KIAA1217: variants seen among roughly 807,000 people sequenced by gnomAD.
KIAA1217 encodes the protein sickle tail protein homolog.
KIAA1217 carries 88 observed loss-of-function variants against 163.9 expected under a neutral mutation model. That is an observed-to-expected ratio of 0.54 (90% confidence interval 0.45 to 0.64). The LOEUF (loss-of-function observed/expected upper bound fraction) is 0.64, where lower values mean the gene tolerates loss of function less well. Ranked by LOEUF, KIAA1217 falls within the 30% of genes least tolerant of loss-of-function variation. The pLI, the probability that KIAA1217 is intolerant of heterozygous loss-of-function variation, is 0.00. For synonymous variants in KIAA1217, 903 were observed against 923.1 expected (o/e 0.98, Z 0.39); for missense variants, 2,372 against 2,475.0 (o/e 0.96, Z 0.88).
At chr10:24,251,000 G>A (rs1429819151) in intron 2 of KIAA1217, among the ~76,000 whole-genome samples, 2 of 151,872 alleles carry the variant, frequency 1.3e-5, no homozygotes, top group Non-Finnish European at 2.9e-5. Flanking sequence ...GCTGAGGTGG[G>A]TGGATCACCT....
chr10:24,515,207 A>G (rs2134338402), intron 10 of KIAA1217, among the ~76,000 whole-genome samples: 1 of 151,664 alleles, frequency 6.6e-6, no homozygotes, highest in South Asian at 2.1e-4. Context: ...AGCTGGGATT[A>G]CAGGTGCACA....
In KIAA1217 at chr10:24,220,084, C is replaced by G. The variant is rs542893594; in HGVS notation, c.354+175C>G. ...GGAGGAAGCCGGGTGTAGAAAACTTCTGCCTGCAAGCTCAGTCTTCTTTGC... is the reference window on the plus strand; with the variant it reads ...GGAGGAAGCCGGGTGTAGAAAACTTGTGCCTGCAAGCTCAGTCTTCTTTGC... On this transcript the variant is annotated intron_variant, in intron 2 of 20. Transcript: ENST00000376454. 2.0e-5 allele frequency among the ~76,000 whole-genome samples: 3 copies of G among 152,288 alleles called. No individual in the cohort carries two copies. The East Asian group carries it at 5.8e-4, about 29-fold the overall frequency.
chr10:24,532,515 G>A (rs2073273654), intron 15 of KIAA1217, among the ~76,000 whole-genome samples: 1 of 152,206 alleles, frequency 6.6e-6, no homozygotes, highest in Non-Finnish European at 1.5e-5. Context: ...GAGACTGGGT[G>A]ATAAAGGGAA....
intron 1 of KIAA1217, among the ~76,000 whole-genome samples, chr10:23,716,460 T>A (rs1310516036): frequency 1.3e-5 from 2 of 152,210 alleles, no homozygotes; most frequent in Admixed American, 6.6e-5. Context: ...TCACCAATTA[T>A]TAATTAAGAC....
At chr10:24,073,119 G>A (rs2131633171) in intron 2 of KIAA1217, among the ~76,000 whole-genome samples, 1 of 151,850 alleles carries the variant, frequency 6.6e-6, no homozygotes, top group East Asian at 1.9e-4. Context: ...CATATTAGCA[G>A]CCATTGACAA....
intron 1 of KIAA1217, among the ~76,000 whole-genome samples, chr10:23,728,297 C>G (rs149734984): frequency 6.6e-6 from 1 of 152,150 alleles, no homozygotes; most frequent in Non-Finnish European, 1.5e-5. Flanking sequence ...TGAAAGTGTT[C>G]CTATTTCTCC....
chr10:23,817,812 A>G (rs1352287233), intron 1 of KIAA1217, among the ~76,000 whole-genome samples: 1 of 151,148 alleles, frequency 6.6e-6, no homozygotes, highest in Non-Finnish European at 1.5e-5. Flanking sequence ...ATATAGGGCC[A>G]GATGTGGTGG....
intron 2 of KIAA1217, among the ~76,000 whole-genome samples, chr10:24,015,419 A>G (rs2131500016): frequency 6.6e-6 from 1 of 152,188 alleles, no homozygotes; most frequent in Middle Eastern, 3.4e-3. Flanking sequence ...GAAGAGAAAG[A>G]CTTTATAATG....
At chr10:24,006,824 T>C (rs1018642433) in intron 1 of KIAA1217, among the ~76,000 whole-genome samples, 3 of 152,156 alleles carry the variant, frequency 2.0e-5, no homozygotes, top group African/African-American at 7.2e-5. Context: ...CTGCACATCA[T>C]CCTTAATAAA....
intron 2 of KIAA1217, among the ~76,000 whole-genome samples, chr10:24,047,025 C>A (rs1849081443): frequency 6.6e-6 from 1 of 152,132 alleles, no homozygotes; most frequent in Non-Finnish European, 1.5e-5. Flanking sequence ...GTATTTGTTG[C>A]CCAGGATTAT....
intron 3 of KIAA1217, among the ~76,000 whole-genome samples, chr10:24,419,576 A>G (rs1399504982): frequency 6.6e-6 from 1 of 152,166 alleles, no homozygotes; most frequent in East Asian, 1.9e-4. Flanking sequence ...AAATGAATTA[A>G]TATGTGGAAG....
chr10:24,524,252 CAT>C (rs1489877601), intron 12 of KIAA1217, 69 bp from the exon 13 acceptor site: 1 of 1,499,006 alleles, frequency 6.7e-7, no homozygotes, highest in African/African-American at 1.4e-5. Context: ...TTTGGGATGA[CAT>C]AGCCTGCAAG....
At chr10:24,303,389 A>G (rs1312729475) in intron 2 of KIAA1217, among the ~76,000 whole-genome samples, 1 of 152,162 alleles carries the variant, frequency 6.6e-6, no homozygotes, top group Non-Finnish European at 1.5e-5. Context: ...GCCTGGAAGC[A>G]GGGAGACCCG....
At position 23,973,501 on chromosome 10, in the gene KIAA1217, A is replaced by G. The variant is rs60747918; in HGVS notation, c.-320-33724A>G. On this transcript the variant is annotated intron_variant, in intron 1 of 18. Transcript: ENST00000376462. Reference sequence around the variant, plus strand: ...AAGATAGATTACCGTTCATTCCTGAAGTGGTTCCCAACCTCCCATAGGGAT... The same window carrying G: ...AAGATAGATTACCGTTCATTCCTGAGGTGGTTCCCAACCTCCCATAGGGAT... Among the ~76,000 whole-genome samples, 176 of 152,364 alleles carry G rather than the reference A, an allele frequency of 1.2e-3. 2 individuals carry two copies. The East Asian group carries it at 0.032, about 28-fold the overall frequency.
intron 5 of KIAA1217, among the ~76,000 whole-genome samples, chr10:24,460,818 C>T (rs1302775529): frequency 6.6e-6 from 1 of 152,040 alleles, no homozygotes. Flanking sequence ...AAGACGGTAA[C>T]CCAGGTCCAC....
At chr10:24,217,960 T>C (rs906392124) in intron 1 of KIAA1217, among the ~76,000 whole-genome samples, 2 of 152,156 alleles carry the variant, frequency 1.3e-5, no homozygotes, top group African/African-American at 4.8e-5. Context: ...GGTCACATCA[T>C]TTGTTCTAAA....
chr10:24,494,418 T>C (rs1249826113), intron 6 of KIAA1217, 82 bp from the exon 7 acceptor site: 7 of 1,156,042 alleles, frequency 6.1e-6, no homozygotes, highest in African/African-American at 1.5e-5. Context: ...GTACCTTTTA[T>C]AACCCTCAGG....
chr10:24,295,854 A>G (rs1444988111), intron 2 of KIAA1217, among the ~76,000 whole-genome samples: 3 of 152,100 alleles, frequency 2.0e-5, no homozygotes, highest in African/African-American at 7.2e-5. Context: ...GGAGTAATTA[A>G]TTCTTTGACC....
chr10:24,235,841 A>G (rs891062068), intron 2 of KIAA1217, among the ~76,000 whole-genome samples: 6 of 152,176 alleles, frequency 3.9e-5, no homozygotes, highest in African/African-American at 1.2e-4. Context: ...TCCAGTATGC[A>G]CTTTCAGGCT....
Sources: gnomAD v4.1 joint callset for allele counts (sites outside exome capture counted in the v4.1 genomes callset) on GRCh38, gnomAD v4.1.1 for gene constraint, MANE v1.5 for transcripts, NCBI Gene and HGNC (gene_info 2026-07-23, HGNC 2026-07-21) for gene names.